The following LRP1B variants were observed in gnomAD, a reference collection of about 807,000 sequenced individuals.
LRP1B encodes the protein LDL receptor related protein 1B, also known as low-density lipoprotein receptor-related protein 1B.
LRP1B carries 217 observed loss-of-function variants against 556.6 expected under a neutral mutation model. The observed-to-expected ratio is 0.39, with a 90% confidence interval of 0.35 to 0.44. The LOEUF (loss-of-function observed/expected upper bound fraction) is 0.44. LRP1B is among the 20% of genes least tolerant of loss of function. The pLI, the probability that LRP1B is intolerant of heterozygous loss-of-function variation, is 1.00. For missense variants in LRP1B, 5,053 were observed against 5,620.8 expected, an observed-to-expected ratio of 0.90 and a Z score of 3.23; for synonymous variants, 2,047 against 1,865.8, an observed-to-expected ratio of 1.10 and a Z score of -2.50.
intron 1 of LRP1B, among the ~76,000 whole-genome samples, chr2:141,870,051 T>C (rs1698532818): frequency 1.3e-5 from 2 of 152,152 alleles, no homozygotes; most frequent in African/African-American, 2.4e-5. Flanking sequence ...GGCTGCTATA[T>C]ACTAGTCATT....
chr2:142,028,840 C>A (rs561012606), intron 1 of LRP1B, among the ~76,000 whole-genome samples: 1 of 151,860 alleles, frequency 6.6e-6, no homozygotes, highest in South Asian at 2.1e-4. Flanking sequence ...CAACATTTTC[C>A]CCCTAGCCAT....
intron 86 of LRP1B, among the ~76,000 whole-genome samples, chr2:140,257,441 C>T (rs1315188835): frequency 6.6e-6 from 1 of 152,124 alleles, no homozygotes; most frequent in Non-Finnish European, 1.5e-5. Flanking sequence ...AACATGATTA[C>T]ATCAGAGCTG....
At position 142,115,534 on chromosome 2, in the gene LRP1B, T is replaced by TATATGTAATATATTA. The variant is rs1707174808; in HGVS notation, c.82+15113_82+15114insTAATATATTACATAT. Among the ~76,000 whole-genome samples the TATATGTAATATATTA allele has an allele frequency of 1.6e-4, 7 of 43,998 alleles. No individual in the cohort carries two copies. In the East Asian group the frequency reaches 2.2e-3, roughly 14 times the overall value. 28.9% of individuals were successfully genotyped at this position (43,998 alleles called of 152,430 possible). A position where few individuals can be genotyped will look rare whatever the true frequency, so the allele number is the denominator to read the frequency against. The stretch of plus-strand genomic sequence containing the variant: ...ATATATTACATATATAATATATATA[T>TATATGTAATATATTA]TACATATGTAATATATATATTATAT... On this transcript the variant is annotated intron_variant, in intron 1 of 90. Transcript: ENST00000389484.
intron 25 of LRP1B, among the ~76,000 whole-genome samples, chr2:140,868,729 G>A (rs1276690119): frequency 6.6e-6 from 1 of 152,082 alleles, no homozygotes; most frequent in East Asian, 1.9e-4. Context: ...GGAGGAATAG[G>A]ATGACAAATA....
chr2:141,769,553 G>A (rs766544368), intron 2 of LRP1B, among the ~76,000 whole-genome samples: 32 of 152,108 alleles, frequency 2.1e-4, no homozygotes, highest in Non-Finnish European at 4.1e-4. Context: ...CACATTACAC[G>A]GGACATCAGG....
intron 83 of LRP1B, among the ~76,000 whole-genome samples, chr2:140,301,247 A>T (rs1171859722): frequency 3.3e-5 from 5 of 152,052 alleles, no homozygotes; most frequent in Admixed American, 3.3e-4. Context: ...AAGCAAATCT[A>T]ATATCTGCCA....
At chr2:140,343,869 A>G (rs1439051225) in intron 77 of LRP1B, among the ~76,000 whole-genome samples, 1 of 151,754 alleles carries the variant, frequency 6.6e-6, no homozygotes, top group East Asian at 1.9e-4. Flanking sequence ...TAGAAAGAGC[A>G]AACTAATCTA....
Position 140,633,579 on chromosome 2 carries a change from G to A in LRP1B, c.6800-31940C>T, listed in dbSNP as rs189005283. On this transcript the variant is annotated intron_variant, in intron 41 of 90. Coordinates refer to ENST00000389484, the MANE Select transcript of LRP1B (RefSeq NM_018557.3). Reference sequence around the variant, plus strand: ...TAAATAAAATGGATAAACTTACAGTGGATTCATTTTTTTAAAGAGACAAGA... The same window carrying A: ...TAAATAAAATGGATAAACTTACAGTAGATTCATTTTTTTAAAGAGACAAGA... Among the ~76,000 whole-genome samples the A allele has an allele frequency of 1.8e-3, 270 of 152,160 alleles. 2 individuals carry two copies. The highest frequency in any genetic ancestry group is 3.4e-3 in the Middle Eastern group (1 of 294).
chr2:140,613,993 C>T (rs1683172102), intron 41 of LRP1B, among the ~76,000 whole-genome samples: 1 of 152,066 alleles, frequency 6.6e-6, no homozygotes, highest in Non-Finnish European at 1.5e-5. Context: ...AAGATAGGAC[C>T]TCTGTCTCCC....
At chr2:140,939,349 C>T (rs1421031787) in intron 20 of LRP1B, among the ~76,000 whole-genome samples, 1 of 151,382 alleles carries the variant, frequency 6.6e-6, no homozygotes, top group African/African-American at 2.4e-5. Context: ...GAGAAGTTTC[C>T]AAAGCAGAAG....
intron 7 of LRP1B, among the ~76,000 whole-genome samples, chr2:141,123,996 T>A (rs1701132775): frequency 6.6e-6 from 1 of 152,136 alleles, no homozygotes; most frequent in Non-Finnish European, 1.5e-5. Context: ...ATATGTCTAA[T>A]TTTTTAGGAA....
At chr2:140,843,670 T>C (rs1573793689) in intron 29 of LRP1B, among the ~76,000 whole-genome samples, 2 of 152,290 alleles carry the variant, frequency 1.3e-5, no homozygotes, top group African/African-American at 4.8e-5. Flanking sequence ...TTATTCATAA[T>C]AGGCTAGCTG....
At chr2:141,123,406 A>G (rs923300094) in intron 7 of LRP1B, among the ~76,000 whole-genome samples, 1 of 151,984 alleles carries the variant, frequency 6.6e-6, no homozygotes, top group Admixed American at 6.6e-5. Context: ...TTTAATTGAT[A>G]GTGTCTTTTC....
At chr2:141,889,727 A>G (rs765120632) in intron 1 of LRP1B, among the ~76,000 whole-genome samples, 3 of 152,156 alleles carry the variant, frequency 2.0e-5, no homozygotes, top group South Asian at 2.1e-4. Flanking sequence ...AGGCATGCCA[A>G]ACTTAAATTA....
At chr2:140,921,246 C>T (rs948887947) in intron 21 of LRP1B, among the ~76,000 whole-genome samples, 1 of 151,774 alleles carries the variant, frequency 6.6e-6, no homozygotes, top group African/African-American at 2.4e-5. Flanking sequence ...TTTTATGTTT[C>T]GCATCTCAAT....
intron 84 of LRP1B, among the ~76,000 whole-genome samples, chr2:140,278,987 T>A (rs1042200015): frequency 6.8e-4 from 104 of 152,098 alleles, no homozygotes; most frequent in African/African-American, 2.5e-3. Context: ...GAGTTAGATG[T>A]TTGACTGGAC....
At chr2:140,694,471 A>G in intron 41 of LRP1B, among the ~76,000 whole-genome samples, 1 of 152,288 alleles carries the variant, frequency 6.6e-6, no homozygotes, top group African/African-American at 2.4e-5. Context: ...AGTGTCTACT[A>G]CTTCTGGTAG....
chr2:140,980,344 C>CA (rs1479614590), intron 18 of LRP1B, among the ~76,000 whole-genome samples: 1 of 152,098 alleles, frequency 6.6e-6, no homozygotes, highest in Non-Finnish European at 1.5e-5. Context: ...AAGCAGCAGA[C>CA]ACAGCCAGAT....
intron 7 of LRP1B, among the ~76,000 whole-genome samples, chr2:141,182,439 G>C (rs1025862839): frequency 6.6e-6 from 1 of 151,904 alleles, no homozygotes; most frequent in Non-Finnish European, 1.5e-5. Flanking sequence ...TGAATGCTGA[G>C]GTCAGCTAAT....
Sources: gnomAD v4.1 joint callset for allele counts (sites outside exome capture counted in the v4.1 genomes callset) on GRCh38, gnomAD v4.1.1 for gene constraint, MANE v1.5 for transcripts, NCBI Gene and HGNC (gene_info 2026-07-23, HGNC 2026-07-21) for gene names.